PITPNA: variants seen among roughly 807,000 people sequenced by gnomAD.
The protein encoded by PITPNA is phosphatidylinositol transfer protein alpha.
In PITPNA, 13 loss-of-function variants were observed where a neutral mutation model predicts 50.3. The ratio of observed to expected loss-of-function variants is 0.26; its 90% CI spans 0.17 to 0.41. PITPNA has a LOEUF of 0.41. Ranked by LOEUF, PITPNA falls within the 10% of genes least tolerant of loss-of-function variation. The pLI, the probability that PITPNA is intolerant of heterozygous loss-of-function variation, is 1.00. For missense variants in PITPNA, 207 were observed against 333.4 expected, an observed-to-expected ratio of 0.62 and a Z score of 2.95; for synonymous variants, 120 against 119.6, an observed-to-expected ratio of 1.00 and a Z score of -0.02.
intron 5 of PITPNA, 84 bp downstream of exon 5, chr17:1,542,936 C>T (rs1372331155): frequency 4.7e-6 from 5 of 1,066,500 alleles, no homozygotes; most frequent in South Asian, 1.3e-5. Flanking sequence ...GGAAAGAACA[C>T]CCAAGACCAC....
At position 1,538,914 on chromosome 17, in the gene PITPNA, T is replaced by G; in HGVS notation, c.411A>C (p.Glu137Asp). Residue 137 changes from glutamate to aspartate, a missense_variant, in exon 7 of 12, where the codon GAA becomes GAC. By Grantham distance (45) the Glu-to-Asp change is conservative (BLOSUM62 2). Coordinates refer to ENST00000313486, the MANE Select transcript of PITPNA (RefSeq NM_006224.4). ...KLEPEAWKHV[E>D]AVYIDIADRS... ...GATCTGCAATGTCTATATATACGGC[T>G]TCCACGTGTTTCCACGCCTCAGGCT... 6.2e-7 allele frequency: 1 copy of G among 1,613,776 alleles called. No individual in the cohort carries two copies. The highest frequency in any genetic ancestry group is 8.5e-7 in the Non-Finnish European group (1 of 1,179,660).
chr17:1,549,941 C>T (rs971082629), intron 3 of PITPNA, among the ~76,000 whole-genome samples: 2 of 152,152 alleles, frequency 1.3e-5, no homozygotes, highest in East Asian at 1.9e-4. Flanking sequence ...TCCTAAAGTG[C>T]GGGGATTACA....
At chr17:1,552,879 A>ATAAC in intron 3 of PITPNA, 125 bp downstream of exon 3, 2 of 930,120 alleles carry the variant, frequency 2.2e-6, no homozygotes, top group South Asian at 1.6e-5. Flanking sequence ...CAGTCAGTAT[A>ATAAC]TAACTATTAA....
chr17:1,529,782 G>A (rs993470722), intron 10 of PITPNA, among the ~76,000 whole-genome samples: 1 of 151,578 alleles, frequency 6.6e-6, no homozygotes, highest in Non-Finnish European at 1.5e-5. Flanking sequence ...TTGAATTGGG[G>A]AGTTGGAGGT....
chr17:1,527,535 C>A (rs550241554), intron 10 of PITPNA, among the ~76,000 whole-genome samples: 8 of 152,298 alleles, frequency 5.3e-5, no homozygotes, highest in Admixed American at 2.0e-4. Context: ...AGCCACCGTG[C>A]CCAGCCCTGG....
Position 1,562,588 on chromosome 17 carries a change from C to A in PITPNA, c.-28G>T. ...CGCTTCGCGGCTCGGTGGCTGCCCG[C>A]GGCCCGCCCGGCCTCCCGCCCGCTG... On this transcript the variant is annotated 5_prime_UTR_variant, in exon 1 of 12. Transcript: ENST00000313486. The surrounding 1 kb of genome is among the most constrained non-coding windows in gnomAD (Gnocchi z 6.4). The A allele has an allele frequency of 7.9e-7, 1 of 1,267,632 alleles. No individual in the cohort carries two copies. Among genetic ancestry groups the A allele is most frequent in the African/African-American group, 1.6e-5 (1 of 64,312 alleles). 78.5% of individuals were successfully genotyped at this position (1,267,632 alleles called of 1,614,324 possible).
chr17:1,542,937 C>A, intron 5 of PITPNA, 83 bp downstream of exon 5: 1 of 1,071,240 alleles, frequency 9.3e-7, no homozygotes. Flanking sequence ...GAAAGAACAC[C>A]CAAGACCACC....
chr17:1,529,836 C>CATT (rs1184284878), intron 10 of PITPNA, among the ~76,000 whole-genome samples: 4 of 149,546 alleles, frequency 2.7e-5, no homozygotes, highest in Non-Finnish European at 5.9e-5. Context: ...GCCTGGGTGA[C>CATT]AGAGCGAGAC....
At chr17:1,550,446 A>G (rs573468864) in intron 3 of PITPNA, among the ~76,000 whole-genome samples, 109 of 152,194 alleles carry the variant, frequency 7.2e-4, no homozygotes, top group Non-Finnish European at 1.0e-3. Context: ...AAAGCTGGAG[A>G]AAAGAGGGAC....
chr17:1,533,506 C>T (rs1332312295), intron 10 of PITPNA, among the ~76,000 whole-genome samples: 2 of 152,152 alleles, frequency 1.3e-5, no homozygotes, highest in African/African-American at 4.8e-5. Context: ...TGACAATCTC[C>T]TCTGAGTGGG....
At chr17:1,535,808 A>T in intron 7 of PITPNA, 1 of 396,222 alleles carries the variant, frequency 2.5e-6, no homozygotes, top group East Asian at 5.3e-5. Context: ...GAGACTTTCA[A>T]CCTGGGGTGA....
At chr17:1,544,659 C>T (rs996551620) in intron 4 of PITPNA, among the ~76,000 whole-genome samples, 10 of 152,348 alleles carry the variant, frequency 6.6e-5, no homozygotes, top group African/African-American at 1.9e-4. Flanking sequence ...ATGGCAGGGC[C>T]GGGCACGGTG....
In PITPNA at chr17:1,562,106, GCCCTGAC is replaced by G. The variant is rs2075771479; in HGVS notation, c.20+428_20+434del. Among the ~76,000 whole-genome samples, 1 of 152,046 alleles carries G rather than the reference GCCCTGAC, an allele frequency of 6.6e-6. No individual in the cohort carries two copies. The highest frequency in any genetic ancestry group is 1.5e-5 in the Non-Finnish European group (1 of 67,980). ...CCCCAGTCCCGGGCCAGCTCTCCCT[GCCCTGAC>G]CCCGTCTCGGGCCTGGCCTCGCCCT... On this transcript the variant is annotated intron_variant, in intron 1 of 11. Coordinates refer to ENST00000313486, the MANE Select transcript of PITPNA (RefSeq NM_006224.4). The surrounding 1 kb of genome is among the most constrained non-coding windows in gnomAD (Gnocchi z 6.4).
intron 9 of PITPNA, 127 bp from the exon 10 acceptor site, chr17:1,534,348 G>A: frequency 8.8e-7 from 1 of 1,142,812 alleles, no homozygotes; most frequent in Non-Finnish European, 1.3e-6. Flanking sequence ...GAGGAGTAAT[G>A]CCCGGCTGGT....
intron 10 of PITPNA, among the ~76,000 whole-genome samples, chr17:1,533,180 G>C (rs1319249508): frequency 1.3e-5 from 2 of 152,240 alleles, no homozygotes; most frequent in Non-Finnish European, 2.9e-5. Flanking sequence ...TTATGAAACA[G>C]AGCTTCCTGC....
At chr17:1,532,505 T>G (rs2075590141) in intron 10 of PITPNA, among the ~76,000 whole-genome samples, 1 of 152,158 alleles carries the variant, frequency 6.6e-6, no homozygotes, top group Non-Finnish European at 1.5e-5. Flanking sequence ...TTCTTCTAGC[T>G]CCAAGAATTT....
intron 6 of PITPNA, among the ~76,000 whole-genome samples, chr17:1,540,051 T>C (rs2151008226): frequency 6.6e-6 from 1 of 152,364 alleles, no homozygotes; most frequent in African/African-American, 2.4e-5. Context: ...GCTCTGACTA[T>C]TGAGGGTAAA....
At chr17:1,525,931 C>T (rs533975870) in intron 10 of PITPNA, among the ~76,000 whole-genome samples, 1 of 152,220 alleles carries the variant, frequency 6.6e-6, no homozygotes, top group Non-Finnish European at 1.5e-5. Context: ...TACAAGTCCC[C>T]TAGCTCTATC....
rs895900131 is a variant in PITPNA at position 1,562,629 on chromosome 17, C to T, written c.-69G>A. ...CCGCCCGCTGCCCGCCGGCCGCTCT[C>T]CCCGTGGCCCGGCCCGGCCCGGCTG... On this transcript the variant is annotated 5_prime_UTR_variant, in exon 1 of 12. Transcript: ENST00000313486. This position sits in a 1 kb window ranked among gnomAD's most constrained non-coding sequence, Gnocchi z 6.4. 4.4e-5 allele frequency: 49 copies of T among 1,112,656 alleles called. No individual in the cohort carries two copies. The highest frequency in any genetic ancestry group is 5.0e-5 in the Non-Finnish European group (45 of 893,206). The allele number at this position is 1,112,656 out of a possible 1,614,324, so 68.9% of individuals were successfully genotyped here. A position where few individuals can be genotyped will look rare whatever the true frequency, so the allele number is the denominator to read the frequency against.
Sources: gnomAD v4.1 joint callset for allele counts (sites outside exome capture counted in the v4.1 genomes callset) on GRCh38, gnomAD v4.1.1 for gene constraint, Gnocchi (gnomAD v3.1) non-coding constraint, MANE v1.5 for transcripts, NCBI Gene and HGNC (gene_info 2026-07-23, HGNC 2026-07-21) for gene names.